UGT2B15: variants seen among roughly 807,000 people sequenced by gnomAD.
UGT2B15 encodes UDP glucuronosyltransferase family 2 member B15.
UGT2B15 carries 36 observed loss-of-function variants against 45.9 expected under a neutral mutation model. The ratio of observed to expected loss-of-function variants is 0.78; its 90% CI spans 0.60 to 1.04. The LOEUF (loss-of-function observed/expected upper bound fraction) is 1.04. Ranked by LOEUF, UGT2B15 falls within the 50% of genes least tolerant of loss-of-function variation. The pLI is 0.00. For synonymous variants in UGT2B15, 219 were observed against 216.4 expected, an observed-to-expected ratio of 1.01 and a Z score of -0.11; for missense variants, 617 against 622.4, an observed-to-expected ratio of 0.99 and a Z score of 0.09.
chr4:68,647,998 A>G (rs185567498), intron 5 of UGT2B15, among the ~76,000 whole-genome samples: 24 of 152,186 alleles, frequency 1.6e-4, no homozygotes, highest in Admixed American at 1.4e-3. Context: ...TTGGCCCTAC[A>G]GACATGAACC....
chr4:68,652,106 T>C (rs1732673109), intron 5 of UGT2B15, among the ~76,000 whole-genome samples: 1 of 152,114 alleles, frequency 6.6e-6, no homozygotes, highest in South Asian at 2.1e-4. Flanking sequence ...GTTAGGCATA[T>C]GCCTAGGTAT....
intron 2 of UGT2B15, among the ~76,000 whole-genome samples, chr4:68,667,039 G>A (rs1375059056): frequency 2.6e-5 from 4 of 151,814 alleles, no homozygotes; most frequent in South Asian, 2.1e-4. Context: ...AAGCCACCAC[G>A]CCCGGCCCAT....
In UGT2B15 at chr4:68,654,952, G is replaced by C; in HGVS notation, c.1093+143C>G. On this transcript the variant is annotated intron_variant, in intron 4 of 5. Transcript: ENST00000338206. ...GTGCATTCTTTTTATACTAAGACTG[G>C]AAAATAAATATAAAGTAGTTAAATT... 7.5e-6 allele frequency: 8 copies of C among 1,061,092 alleles called. 1 individual carries two copies. In the South Asian group the frequency reaches 1.2e-4, roughly 16 times the overall value. 65.7% of individuals were successfully genotyped at this position (1,061,092 alleles called of 1,614,324 possible). A position where few individuals can be genotyped will look rare whatever the true frequency, so the allele number is the denominator to read the frequency against.
At chr4:68,655,033 A>G in intron 4 of UGT2B15, 62 bp downstream of exon 4, 29 of 1,545,830 alleles carry the variant, frequency 1.9e-5, no homozygotes, top group Non-Finnish European at 2.5e-5. Flanking sequence ...TTTTATGTTG[A>G]ACTATTATCA....
chr4:68,655,368 C>A lies in UGT2B15; in HGVS notation c.1006-186G>T, dbSNP rs150072082. Among the ~76,000 whole-genome samples, 883 of 152,058 alleles carry A rather than the reference C, an allele frequency of 5.8e-3. 12 individuals are homozygous for A. The highest frequency in any genetic ancestry group is 0.02 in the African/African-American group (822 of 41,442). ...TAAGTTGAATACCCACGTTTAATGT[C>A]GTTACTTTTATAATCAATTTTGTAT... is the stretch of plus-strand genomic sequence containing the variant. On this transcript the variant is annotated intron_variant, in intron 3 of 5. Transcript: ENST00000338206.
intron 3 of UGT2B15, among the ~76,000 whole-genome samples, chr4:68,661,023 C>G (rs1462679343): frequency 2.0e-5 from 3 of 152,024 alleles, no homozygotes; most frequent in African/African-American, 4.8e-5. Context: ...TGAGACTTCA[C>G]AACCTACTAA....
intron 3 of UGT2B15, among the ~76,000 whole-genome samples, chr4:68,660,378 C>A (rs1017488154): frequency 6.6e-6 from 1 of 151,792 alleles, no homozygotes; most frequent in Non-Finnish European, 1.5e-5. Context: ...AGGAATTCAC[C>A]CAACTCGTAG....
chr4:68,661,205 C>T (rs1188708094), intron 3 of UGT2B15, among the ~76,000 whole-genome samples: 11 of 151,968 alleles, frequency 7.2e-5, no homozygotes, highest in Non-Finnish European at 1.3e-4. Context: ...AGTCACTAAG[C>T]AAATCACTGC....
chr4:68,653,752 T>A (rs1416059420), intron 5 of UGT2B15, among the ~76,000 whole-genome samples: 2 of 152,058 alleles, frequency 1.3e-5, no homozygotes, highest in Non-Finnish European at 2.9e-5. Flanking sequence ...TGTTCTTTCT[T>A]TTCATTGTGC....
chr4:68,654,302 A>G (rs2109823729), intron 4 of UGT2B15, 46 bp from the exon 5 acceptor site: 1 of 1,586,102 alleles, frequency 6.3e-7, no homozygotes. Context: ...ACAAGGTATG[A>G]GAATTGAATA....
intron 5 of UGT2B15, among the ~76,000 whole-genome samples, chr4:68,650,594 G>T (rs531321536): frequency 6.6e-6 from 1 of 152,072 alleles, no homozygotes; most frequent in African/African-American, 2.4e-5. Context: ...TGTAGATAGC[G>T]CTGCAATAGA....
chr4:68,649,143 T>C (rs1051220430), intron 5 of UGT2B15, among the ~76,000 whole-genome samples: 11 of 151,948 alleles, frequency 7.2e-5, no homozygotes, highest in African/African-American at 2.7e-4. Context: ...TTATCGTTTT[T>C]GGATGATTTA....
intron 2 of UGT2B15, among the ~76,000 whole-genome samples, chr4:68,666,752 A>ATTTTTTT (rs775748401): frequency 0.012 from 1,519 of 127,780 alleles, 17 homozygotes; most frequent in Admixed American, 0.019. Flanking sequence ...ATATATATAT[A>ATTTTTTT]TTTTTTTTTT....
chr4:68,669,848 A>G, intron 1 of UGT2B15, 47 bp downstream of exon 1: 7 of 1,551,198 alleles, frequency 4.5e-6, no homozygotes, highest in Non-Finnish European at 6.1e-6. Context: ...CTTCAAAGGC[A>G]CAGAAAAGTT....
chr4:68,668,231 A>T (rs1314047462), intron 1 of UGT2B15, 43 bp from the exon 2 acceptor site: 2 of 1,606,522 alleles, frequency 1.2e-6, no homozygotes, highest in African/African-American at 2.7e-5. Context: ...AGCTAACACG[A>T]GAATTGTTAT....
intron 3 of UGT2B15, 99 bp from the exon 4 acceptor site, chr4:68,655,281 A>G: frequency 7.2e-7 from 1 of 1,394,066 alleles, no homozygotes; most frequent in Non-Finnish European, 9.9e-7. Flanking sequence ...GTTAATCCAT[A>G]TAAAAGATGA....
Position 68,647,162 on chromosome 4 carries a change from A to C in UGT2B15, c.1535T>G (p.Phe512Cys), listed in dbSNP as rs1270580253. Residue 512 changes from phenylalanine (F) to cysteine (C), a missense_variant, in exon 6 of 6, where the codon TTT becomes TGT. Phe to Cys is a radical substitution (Grantham distance 205). Transcript: ENST00000338206. ...VATVIFIITK[F>C]CLFCFRKLAK... ...AAGCTTTCGGAAACAAAACAGGCAA[A>C]ATTTTGTGATGATAAATATCACAGT... The C allele has an allele frequency of 1.7e-5, 27 of 1,613,706 alleles. 1 individual carries two copies. The highest frequency in any genetic ancestry group is 1.8e-5 in the Non-Finnish European group (21 of 1,179,866).
intron 1 of UGT2B15, 32 bp from the exon 2 acceptor site, chr4:68,668,220 T>G: frequency 6.2e-7 from 1 of 1,606,542 alleles, no homozygotes; most frequent in Non-Finnish European, 8.5e-7. Context: ...AAACAAAAGG[T>G]AGCTAACACG....
chr4:68,661,918 C>T (rs1198943517), intron 3 of UGT2B15, among the ~76,000 whole-genome samples: 1 of 152,044 alleles, frequency 6.6e-6, no homozygotes, highest in Non-Finnish European at 1.5e-5. Flanking sequence ...GATGCACTAC[C>T]TAGCATTGAC....
Sources: gnomAD v4.1 joint callset for allele counts (sites outside exome capture counted in the v4.1 genomes callset) on GRCh38, gnomAD v4.1.1 for gene constraint, MANE v1.5 for transcripts, NCBI Gene and HGNC (gene_info 2026-07-23, HGNC 2026-07-21) for gene names.